The following ELN variants were observed in gnomAD, a reference collection of about 807,000 sequenced individuals.
The protein encoded by ELN is elastin.
In ELN, 65 loss-of-function variants were observed where a neutral mutation model predicts 105.8. The ratio of observed to expected loss-of-function variants is 0.61; its 90% CI spans 0.50 to 0.75. The LOEUF (loss-of-function observed/expected upper bound fraction) is 0.75, where lower values mean the gene tolerates loss of function less well. Ranked by LOEUF, ELN falls within the 30% of genes least tolerant of loss-of-function variation. The pLI is 0.00. For missense variants in ELN, 882 were observed against 969.4 expected (o/e 0.91, Z 1.20); for synonymous variants, 368 against 389.2 (o/e 0.95, Z 0.64).
intron 22 of ELN, 151 bp from the exon 23 acceptor site, chr7:74,059,735 A>G: frequency 4.0e-6 from 3 of 758,576 alleles, no homozygotes; most frequent in Non-Finnish European, 4.8e-6. Context: ...CATATTAGGG[A>G]GGAGGAAGCT....
chr7:74,034,487 G>A (rs1554664320), intron 1 of ELN, among the ~76,000 whole-genome samples: 1 of 148,926 alleles, frequency 6.7e-6, no homozygotes, highest in African/African-American at 2.5e-5. Context: ...CAAGGCAGGA[G>A]GATCGCTTCC....
rs201870852 is a variant in ELN, at chr7:74,060,118, C to A, written c.1577-22C>A. On this transcript the variant is annotated intron_variant, in intron 23 of 32. Coordinates refer to ENST00000252034, the MANE Select transcript of ELN (RefSeq NM_000501.4). ...ATGGGCCCCGCCTCCATCTCTAATCCCCCTCTCTCTCCCTCCCTCAGCTGC... is the reference window on the plus strand; with the variant it reads ...ATGGGCCCCGCCTCCATCTCTAATCACCCTCTCTCTCCCTCCCTCAGCTGC... The A allele has an allele frequency of 1.2e-3, 1,958 of 1,614,154 alleles. 3 individuals are homozygous for A. The highest frequency in any genetic ancestry group is 1.5e-3 in the Non-Finnish European group (1,729 of 1,180,036).
chr7:74,029,967 T>C (rs932812220), intron 1 of ELN, among the ~76,000 whole-genome samples: 5 of 152,106 alleles, frequency 3.3e-5, no homozygotes, highest in Admixed American at 2.0e-4. Flanking sequence ...CAGGCAACAT[T>C]TGGGGAGGGG....
rs782688833 is a variant in ELN at position 74,059,995 on chromosome 7, T to C, written c.1524T>C (p.Gly508=). 4.3e-6 allele frequency: 7 copies of C among 1,613,076 alleles called. No homozygotes were observed. The highest frequency in any genetic ancestry group is 2.7e-5 in the African/African-American group (2 of 74,592). Residue 508 remains glycine, a synonymous_variant, in exon 23 of 33, where the codon GGT becomes GGC. Coordinates refer to ENST00000252034, the MANE Select transcript of ELN (RefSeq NM_000501.4). ...GAGTTGGCGTGGCTCCTGGAGTTGG[T>C]GTGGCTCCTGGCGTTGGCGTGGCTC... ...APGVGVAPGV[G]VAPGVGVAPG... is the part of the protein sequence containing the mutation.
intron 22 of ELN, among the ~76,000 whole-genome samples, chr7:74,059,034 C>G (rs966463990): frequency 9.2e-5 from 14 of 152,018 alleles, no homozygotes; most frequent in South Asian, 4.2e-4. Flanking sequence ...CATTATTCCC[C>G]CTTAGTATCC....
At chr7:74,041,124 C>A in intron 4 of ELN, 92 bp from the exon 5 acceptor site, 1 of 1,560,850 alleles carries the variant, frequency 6.4e-7, no homozygotes, top group Non-Finnish European at 8.8e-7. Flanking sequence ...ACCTGAGTGG[C>A]TGATCACAGC....
chr7:74,049,949 CCCT>C (rs1554675008), intron 15 of ELN, among the ~76,000 whole-genome samples: 2 of 147,782 alleles, frequency 1.4e-5, no homozygotes, highest in African/African-American at 2.5e-5. Flanking sequence ...ATCCATCACT[CCCT>C]CCATCGATTC....
chr7:74,056,507 G>A (rs1554679954), intron 20 of ELN, 72 bp downstream of exon 20: 3 of 1,609,962 alleles, frequency 1.9e-6, no homozygotes, highest in African/African-American at 2.7e-5. Flanking sequence ...GGCTCTGCAG[G>A]GGCAGTGGGG....
chr7:74,044,278 C>A (rs1342372000), intron 9 of ELN, among the ~76,000 whole-genome samples: 1 of 151,998 alleles, frequency 6.6e-6, no homozygotes, highest in Admixed American at 6.6e-5. Flanking sequence ...AAAAGCAGCC[C>A]CCTCAGCCTC....
intron 15 of ELN, among the ~76,000 whole-genome samples, chr7:74,049,263 C>CATCCACTT (rs1793326314): frequency 6.6e-6 from 1 of 151,798 alleles, no homozygotes; most frequent in Admixed American, 6.6e-5. Context: ...TCCATCCATC[C>CATCCACTT]ATCCACTTAT....
chr7:74,033,589 C>T (rs1169749354), intron 1 of ELN, among the ~76,000 whole-genome samples: 1 of 152,222 alleles, frequency 6.6e-6, no homozygotes, highest in African/African-American at 2.4e-5. Context: ...CCTGAGGAGC[C>T]ACAAGCCCTG....
chr7:74,042,728 A>G lies in ELN; in HGVS notation c.325+22A>G, dbSNP rs201414662. 46 of 1,610,916 alleles carry G rather than the reference A, an allele frequency of 2.9e-5. No individual in the cohort carries two copies. In the African/African-American group the frequency reaches 4.5e-4, roughly 16 times the overall value. ...GCTGGTGAGTGGTGCTCTTTGGGACATGCCACAAGCCCTCTGGCTTCCGTG... is the reference window on the plus strand; with the variant it reads ...GCTGGTGAGTGGTGCTCTTTGGGACGTGCCACAAGCCCTCTGGCTTCCGTG... On this transcript the variant is annotated intron_variant, in intron 6 of 32. Coordinates refer to ENST00000252034, the MANE Select transcript of ELN (RefSeq NM_000501.4).
At chr7:74,043,072 G>A in intron 7 of ELN, 38 bp downstream of exon 7, 2 of 1,614,196 alleles carry the variant, frequency 1.2e-6, no homozygotes, top group South Asian at 1.1e-5. Flanking sequence ...GGTCAAAGTT[G>A]CAGGCCTGGG....
rs1554681121 is a variant in ELN, at chr7:74,057,638, A to G, written c.1358-2A>G. 1.9e-6 allele frequency: 3 copies of G among 1,613,968 alleles called. No individual in the cohort carries two copies. In the African/African-American group the frequency reaches 4.0e-5, roughly 22 times the overall value. On this transcript the variant is annotated splice_acceptor_variant, in intron 21 of 32. Transcript: ENST00000252034. LOFTEE classifies it high-confidence loss of function. ...TCTCACCCCTTCTCTTCACACCTCCAGGAGTGGGGACCCCAGCAGCTGCAG... is the reference window on the plus strand; with the variant it reads ...TCTCACCCCTTCTCTTCACACCTCCGGGAGTGGGGACCCCAGCAGCTGCAG...
At chr7:74,047,566 TG>T in intron 12 of ELN, 108 bp from the exon 13 acceptor site, 1 of 1,460,802 alleles carries the variant, frequency 6.8e-7, no homozygotes, top group Non-Finnish European at 9.6e-7. Flanking sequence ...GACCCTGATG[TG>T]GGAGGTCTCA....
Position 74,051,806 on chromosome 7 carries a change from C to T in ELN, c.856C>T (p.Pro286Ser), listed in dbSNP as rs782715920. The change falls in exon 16 of 33, where the codon CCT becomes TCT. Residue 286 changes from proline to serine, a missense_variant. Coordinates refer to ENST00000252034, the MANE Select transcript of ELN (RefSeq NM_000501.4). ...GVGGAGVPGV[P>S]GAIPGIGGIA... is the part of the protein sequence containing the mutation. ...TGGAGGGGCTGGTGTTCCTGGCGTGCCTGGGGCAATTCCTGGAATTGGAGG... is the reference window on the plus strand; with the variant it reads ...TGGAGGGGCTGGTGTTCCTGGCGTGTCTGGGGCAATTCCTGGAATTGGAGG... The T allele has an allele frequency of 6.2e-7, 1 of 1,614,192 alleles. No homozygotes were observed. Among genetic ancestry groups the T allele is most frequent in the Non-Finnish European group, 8.5e-7 (1 of 1,180,026 alleles).
chr7:74,043,758 C>G, intron 8 of ELN, 121 bp from the exon 9 acceptor site: 1 of 1,330,126 alleles, frequency 7.5e-7, no homozygotes, highest in South Asian at 1.2e-5. Context: ...TCCCTGGCTG[C>G]CCCTGTCGGG....
chr7:74,051,271 GC>G (rs1410353918), intron 15 of ELN, among the ~76,000 whole-genome samples: 29 of 152,166 alleles, frequency 1.9e-4, no homozygotes, highest in Non-Finnish European at 4.1e-4. Flanking sequence ...GGCCCCGCAG[GC>G]CCCCCTCCCA....
intron 19 of ELN, among the ~76,000 whole-genome samples, chr7:74,055,317 G>T (rs1309626643): frequency 6.6e-6 from 1 of 151,802 alleles, no homozygotes; most frequent in Non-Finnish European, 1.5e-5. Context: ...GCATGTGCTT[G>T]TTTGTTCCAG....
Sources: gnomAD v4.1 joint callset for allele counts (sites outside exome capture counted in the v4.1 genomes callset) on GRCh38, gnomAD v4.1.1 for gene constraint, MANE v1.5 for transcripts, NCBI Gene and HGNC (gene_info 2026-07-23, HGNC 2026-07-21) for gene names.